Variants in AHCTF1 observed in about 807,000 individuals in gnomAD.
AHCTF1 encodes the protein AT-hook containing transcription factor 1.
In AHCTF1, 24 loss-of-function variants were observed where a neutral mutation model predicts 248.4. The ratio of observed to expected loss-of-function variants is 0.10; its 90% CI spans 0.07 to 0.14. AHCTF1 has a LOEUF of 0.14. AHCTF1 is among the 10% of genes least tolerant of loss of function. AHCTF1 has a pLI of 1.00. For missense variants in AHCTF1, 2,206 were observed against 2,636.2 expected (o/e 0.84, Z 3.57); for synonymous variants, 786 against 929.8 (o/e 0.85, Z 2.81).
intron 13 of AHCTF1, among the ~76,000 whole-genome samples, chr1:246,894,977 G>A (rs554707668): frequency 6.6e-6 from 1 of 151,456 alleles, no homozygotes; most frequent in East Asian, 1.9e-4. Flanking sequence ...CATGAGGAGC[G>A]ACGGCAAGCA....
chr1:246,917,428 T>C (rs555690001), intron 2 of AHCTF1, among the ~76,000 whole-genome samples: 18 of 152,176 alleles, frequency 1.2e-4, no homozygotes, highest in Non-Finnish European at 2.5e-4. Context: ...TTTAAGAAAG[T>C]AGCATGGTAC....
chr1:246,880,378 C>A (rs1446589121), intron 21 of AHCTF1, among the ~76,000 whole-genome samples: 3 of 151,862 alleles, frequency 2.0e-5, no homozygotes, highest in Admixed American at 6.6e-5. Context: ...GCCTGACCAA[C>A]ATGGTAAAAA....
At chr1:246,923,180 C>T (rs1396105643) in intron 1 of AHCTF1, among the ~76,000 whole-genome samples, 5 of 150,260 alleles carry the variant, frequency 3.3e-5, no homozygotes, top group Non-Finnish European at 4.4e-5. Flanking sequence ...TTTGGGAGGC[C>T]GAGGTGGGCA....
At chr1:246,857,016 C>T (rs1222896941) in intron 30 of AHCTF1, among the ~76,000 whole-genome samples, 1 of 152,234 alleles carries the variant, frequency 6.6e-6, no homozygotes, top group Non-Finnish European at 1.5e-5. Context: ...GACATGCAAT[C>T]TGTGTCAGTC....
At position 246,913,434 on chromosome 1, in the gene AHCTF1, T is replaced by A. The variant is rs373736823; in HGVS notation, c.376-22A>T. 6 of 1,583,816 alleles carry A rather than the reference T, an allele frequency of 3.8e-6. No homozygotes were observed. The African/African-American group carries it at 8.1e-5, about 21-fold the overall frequency. On this transcript the variant is annotated intron_variant, in intron 3 of 35. Coordinates refer to ENST00000648844, the MANE Select transcript of AHCTF1 (RefSeq NM_001323342.2). The stretch of plus-strand genomic sequence containing the variant: ...TTACCTAGAAAACATAATACGTGAT[T>A]TGCTTTTCTTCTGCAAAGTAAGAAA...
At chr1:246,911,290 C>G (rs569039446) in intron 4 of AHCTF1, among the ~76,000 whole-genome samples, 2 of 152,266 alleles carry the variant, frequency 1.3e-5, no homozygotes, top group East Asian at 3.9e-4. Context: ...AAAAGCCTAT[C>G]AAGCCTACTT....
At chr1:246,843,422 T>C (rs968653684) in intron 34 of AHCTF1, among the ~76,000 whole-genome samples, 2 of 152,250 alleles carry the variant, frequency 1.3e-5, no homozygotes, top group South Asian at 2.1e-4. Context: ...TAAATGCTTA[T>C]GAATTAACAT....
intron 33 of AHCTF1, among the ~76,000 whole-genome samples, chr1:246,844,820 T>TA (rs1423983577): frequency 5.3e-5 from 8 of 151,978 alleles, no homozygotes; most frequent in Admixed American, 3.3e-4. Context: ...TTTTTTTTTT[T>TA]TAACTATAGG....
intron 1 of AHCTF1, among the ~76,000 whole-genome samples, chr1:246,924,519 A>C (rs939980886): frequency 2.0e-5 from 3 of 152,092 alleles, no homozygotes; most frequent in African/African-American, 4.8e-5. Context: ...AATACAGTAC[A>C]TATTTATGTA....
At chr1:246,873,343 G>A (rs1662728653) in intron 24 of AHCTF1, among the ~76,000 whole-genome samples, 1 of 151,214 alleles carries the variant, frequency 6.6e-6, no homozygotes, top group Non-Finnish European at 1.5e-5. Flanking sequence ...GATGGTCTCT[G>A]GAAAGACAAT....
At chr1:246,921,557 A>C (rs1666552065) in intron 1 of AHCTF1, among the ~76,000 whole-genome samples, 1 of 152,194 alleles carries the variant, frequency 6.6e-6, no homozygotes, top group South Asian at 2.1e-4. Flanking sequence ...AGATATGCCT[A>C]ATCAGAATCC....
intron 27 of AHCTF1, 93 bp downstream of exon 27, chr1:246,863,831 G>GT (rs758022590): frequency 7.6e-5 from 95 of 1,249,584 alleles, no homozygotes; most frequent in Middle Eastern, 1.9e-4. Context: ...CTCCCCAAGC[G>GT]TATCAGTTAT....
intron 26 of AHCTF1, 38 bp from the exon 27 acceptor site, chr1:246,864,154 A>G (rs1418851834): frequency 6.3e-7 from 1 of 1,580,822 alleles, no homozygotes; most frequent in Non-Finnish European, 8.6e-7. Flanking sequence ...TTATACTGAA[A>G]AAACAAAAGA....
In AHCTF1 at chr1:246,850,451, G is replaced by A. The variant is rs377251787; in HGVS notation, c.5555C>T (p.Pro1852Leu). ...KRLKSSQLLE[P>L]AVEETTKKEV... ...TTTTTTAGTAGTTTCTTCAACTGCT[G>A]GTTCCAACAGCTGAGATGATTTTAA... Residue 1852 changes from proline to leucine, a missense_variant, in exon 33 of 36, where the codon CCA (proline) becomes CTA (leucine). Around this residue, in one of 6 missense-constraint regions of AHCTF1, gnomAD observed 29 missense variants for 57.1 expected, o/e 0.51. Coordinates refer to ENST00000648844, the MANE Select transcript of AHCTF1 (RefSeq NM_001323342.2). 8.5e-5 allele frequency: 135 copies of A among 1,591,920 alleles called. No homozygotes were observed. The highest frequency in any genetic ancestry group is 6.1e-4 in the African/African-American group (45 of 73,450).
chr1:246,911,322 AAGC>A (rs1211373924), intron 4 of AHCTF1, among the ~76,000 whole-genome samples: 2 of 152,164 alleles, frequency 1.3e-5, no homozygotes, highest in Admixed American at 6.5e-5. Context: ...GTTCCATAAA[AAGC>A]AGTCAAACTA....
intron 17 of AHCTF1, 92 bp from the exon 18 acceptor site, chr1:246,888,609 A>G (rs901123161): frequency 2.8e-6 from 4 of 1,435,252 alleles, no homozygotes; most frequent in Non-Finnish European, 3.8e-6. Context: ...AATAATCCCA[A>G]CTATCAAAGA....
chr1:246,875,221 C>A (rs1419705184), intron 24 of AHCTF1, among the ~76,000 whole-genome samples: 1 of 152,012 alleles, frequency 6.6e-6, no homozygotes, highest in Non-Finnish European at 1.5e-5. Context: ...CTCCATAAAA[C>A]CCTCCTGTCA....
intron 1 of AHCTF1, among the ~76,000 whole-genome samples, chr1:246,928,154 T>G (rs1667081857): frequency 6.7e-6 from 1 of 149,702 alleles, no homozygotes; most frequent in East Asian, 2.0e-4. Flanking sequence ...ACAAAAAAAA[T>G]TAGCCGGGCG....
intron 13 of AHCTF1, 109 bp downstream of exon 13, chr1:246,895,726 G>A: frequency 1.1e-6 from 1 of 896,072 alleles, no homozygotes; most frequent in Non-Finnish European, 1.7e-6. Flanking sequence ...ACAACTGCAT[G>A]TGGATCTTCA....
Sources: allele counts gnomAD v4.1 joint callset (sites outside exome capture counted in the v4.1 genomes callset), GRCh38; gene constraint gnomAD v4.1.1; regional missense constraint gnomAD v4.1.1; transcripts MANE v1.5; gene names NCBI Gene and HGNC (gene_info 2026-07-23, HGNC 2026-07-21).